NRXN1: variants seen among roughly 807,000 people sequenced by gnomAD.
NRXN1 encodes neurexin 1.
Under a neutral mutation model 150.9 loss-of-function variants are expected in NRXN1, and 39 were observed. The observed-to-expected ratio is 0.26, with a 90% CI of 0.20 to 0.34. The LOEUF (loss-of-function observed/expected upper bound fraction) is 0.34, where lower values mean the gene tolerates loss of function less well. Ranked by LOEUF, NRXN1 falls within the 10% of genes least tolerant of loss-of-function variation. The pLI is 1.00. For missense variants in NRXN1, 1,815 were observed against 1,949.9 expected (o/e 0.93, Z 1.30); for synonymous variants, 924 against 757.0 (o/e 1.22, Z -3.62).
At chr2:50,580,848 G>A (rs1421566041) in intron 8 of NRXN1, among the ~76,000 whole-genome samples, 2 of 151,824 alleles carry the variant, frequency 1.3e-5, no homozygotes, top group Non-Finnish European at 2.9e-5. Flanking sequence ...AACACTACTG[G>A]GTCTAAATAC....
At chr2:50,691,168 C>A (rs1043973662) in intron 5 of NRXN1, among the ~76,000 whole-genome samples, 1 of 152,050 alleles carries the variant, frequency 6.6e-6, no homozygotes. Context: ...AGTTATGCAT[C>A]GTTGATTTTA....
chr2:50,551,684 T>C (rs1304688264), intron 9 of NRXN1, among the ~76,000 whole-genome samples: 1 of 152,154 alleles, frequency 6.6e-6, no homozygotes, highest in East Asian at 1.9e-4. Context: ...AATCAGAGCA[T>C]GGGAGCCCGG....
At chr2:50,577,213 T>G (rs1375780374) in intron 8 of NRXN1, among the ~76,000 whole-genome samples, 2 of 152,150 alleles carry the variant, frequency 1.3e-5, no homozygotes, top group African/African-American at 4.8e-5. Flanking sequence ...TATGGGGACG[T>G]AAAAGATTAA....
intron 9 of NRXN1, among the ~76,000 whole-genome samples, chr2:50,552,336 T>TA (rs752756627): frequency 3.9e-5 from 6 of 152,226 alleles, no homozygotes; most frequent in Non-Finnish European, 8.8e-5. Flanking sequence ...GGCACTTGAT[T>TA]ACCCAATAAA....
intron 19 of NRXN1, among the ~76,000 whole-genome samples, chr2:50,087,004 T>C (rs1698884645): frequency 6.6e-6 from 1 of 152,178 alleles, no homozygotes; most frequent in Non-Finnish European, 1.5e-5. Flanking sequence ...AAATAGTTTG[T>C]CTGTCTCTAT....
chr2:50,964,056 T>G, intron 2 of NRXN1: 1 of 396,514 alleles, frequency 2.5e-6, no homozygotes. Flanking sequence ...GAATATGAAA[T>G]GAAGGTATTA....
At chr2:50,405,284 T>C (rs907777842) in intron 17 of NRXN1, among the ~76,000 whole-genome samples, 10 of 152,092 alleles carry the variant, frequency 6.6e-5, no homozygotes, top group African/African-American at 2.4e-4. Flanking sequence ...CACATGAGCC[T>C]ACCAAACACG....
At chr2:50,968,547 G>A (rs188812227) in intron 2 of NRXN1, among the ~76,000 whole-genome samples, 1 of 151,996 alleles carries the variant, frequency 6.6e-6, no homozygotes, top group Non-Finnish European at 1.5e-5. Flanking sequence ...TCCACTTCCT[G>A]TTTCTGACTC....
chr2:50,705,075 C>T (rs1694248275), intron 5 of NRXN1, among the ~76,000 whole-genome samples: 1 of 151,378 alleles, frequency 6.6e-6, no homozygotes, highest in Admixed American at 6.6e-5. Context: ...CACACACACA[C>T]ACCCATCCCC....
Position 50,008,616 on chromosome 2 carries a change from A to T in NRXN1, c.4128+44655T>A, listed in dbSNP as rs139945927. 2.8e-3 allele frequency among the ~76,000 whole-genome samples: 427 copies of T among 152,092 alleles called. 1 individual carries two copies. The highest frequency in any genetic ancestry group is 5.1e-3 in the Non-Finnish European group (346 of 67,976). ...AGAAAAGTCCAGAATATGACTCTGA[A>T]CACTATGTAAGATATGCACATAGTA... is the stretch of plus-strand genomic sequence containing the variant. On this transcript the variant is annotated intron_variant, in intron 21 of 22. Coordinates refer to ENST00000401669, the MANE Select transcript of NRXN1 (RefSeq NM_001330078.2).
chr2:50,042,721 T>C (rs115701441), intron 21 of NRXN1, among the ~76,000 whole-genome samples: 1 of 151,904 alleles, frequency 6.6e-6, no homozygotes, highest in Non-Finnish European at 1.5e-5. Context: ...GACTTTAAGA[T>C]GCTTGTCAAA....
At chr2:50,373,046 C>A (rs2080143478) in intron 17 of NRXN1, among the ~76,000 whole-genome samples, 1 of 151,994 alleles carries the variant, frequency 6.6e-6, no homozygotes, top group South Asian at 2.1e-4. Flanking sequence ...CATTGCTATA[C>A]CATGTTGATC....
intron 5 of NRXN1, among the ~76,000 whole-genome samples, chr2:50,629,878 T>C (rs1681938292): frequency 6.6e-6 from 1 of 151,440 alleles, no homozygotes; most frequent in South Asian, 2.1e-4. Flanking sequence ...TATACGCTGC[T>C]TGGTAGTAAT....
chr2:50,870,762 A>T (rs1677658040), intron 5 of NRXN1, among the ~76,000 whole-genome samples: 1 of 151,664 alleles, frequency 6.6e-6, no homozygotes, highest in Non-Finnish European at 1.5e-5. Flanking sequence ...TTTTTCACTC[A>T]TCACATCCCT....
chr2:50,147,024 C>T (rs1708102760), intron 18 of NRXN1, among the ~76,000 whole-genome samples: 1 of 151,626 alleles, frequency 6.6e-6, no homozygotes, highest in Non-Finnish European at 1.5e-5. Flanking sequence ...TTAATTTTAT[C>T]CTATTTTGTT....
intron 21 of NRXN1, among the ~76,000 whole-genome samples, chr2:49,985,143 C>G (rs1282022061): frequency 6.6e-6 from 1 of 152,052 alleles, no homozygotes; most frequent in Non-Finnish European, 1.5e-5. Context: ...CAATATATAC[C>G]TTTTGAAAAT....
intron 21 of NRXN1, among the ~76,000 whole-genome samples, chr2:49,957,454 G>C (rs112456596): frequency 2.6e-5 from 4 of 152,012 alleles, no homozygotes; most frequent in Non-Finnish European, 5.9e-5. Flanking sequence ...TTTATTCCTA[G>C]CACTGGACTC....
chr2:50,482,265 C>G (rs558852173), intron 15 of NRXN1, among the ~76,000 whole-genome samples: 1 of 152,114 alleles, frequency 6.6e-6, no homozygotes, highest in Non-Finnish European at 1.5e-5. Context: ...AGTAATCCAT[C>G]TTCTTTTAAA....
At chr2:51,005,623 T>C (rs1381613124) in intron 2 of NRXN1, among the ~76,000 whole-genome samples, 1 of 151,918 alleles carries the variant, frequency 6.6e-6, no homozygotes, top group Non-Finnish European at 1.5e-5. Context: ...AACTCACTGG[T>C]AGTGTCAATA....
Sources: allele counts gnomAD v4.1 joint callset (sites outside exome capture counted in the v4.1 genomes callset), GRCh38; gene constraint gnomAD v4.1.1; transcripts MANE v1.5; gene names NCBI Gene and HGNC (gene_info 2026-07-23, HGNC 2026-07-21).